The following SUGCT variants were observed in gnomAD, a reference collection of about 807,000 sequenced individuals.
SUGCT encodes succinyl-CoA:glutarate CoA-transferase.
In SUGCT, 41 loss-of-function variants were observed where a neutral mutation model predicts 55.0. The ratio of observed to expected loss-of-function variants is 0.74; its 90% CI spans 0.58 to 0.97. The LOEUF (loss-of-function observed/expected upper bound fraction) is 0.97, where lower values mean the gene tolerates loss of function less well. SUGCT is among the 50% of genes least tolerant of loss of function. SUGCT has a pLI of 0.00. For synonymous variants in SUGCT, 187 were observed against 200.4 expected (o/e 0.93, Z 0.56); for missense variants, 568 against 547.8 (o/e 1.04, Z -0.37).
intron 12 of SUGCT, among the ~76,000 whole-genome samples, chr7:40,625,451 G>C (rs993321594): frequency 6.6e-6 from 1 of 152,036 alleles, no homozygotes; most frequent in Non-Finnish European, 1.5e-5. Flanking sequence ...GCCTTACCAA[G>C]TTGGGCACCC....
At chr7:40,744,117 G>T (rs1284124404) in intron 12 of SUGCT, among the ~76,000 whole-genome samples, 1 of 150,830 alleles carries the variant, frequency 6.6e-6, no homozygotes, top group African/African-American at 2.4e-5. Flanking sequence ...TAGTAGACGC[G>T]GGGTTTCGCC....
chr7:40,737,012 T>C (rs538063188), intron 12 of SUGCT, among the ~76,000 whole-genome samples: 13 of 152,082 alleles, frequency 8.5e-5, no homozygotes, highest in Non-Finnish European at 1.0e-4. Context: ...ATTTCCAGAT[T>C]AAAAAAATAG....
In SUGCT at chr7:40,198,214, T is replaced by C. The variant is rs567927903; in HGVS notation, c.484+3154T>C. Among the ~76,000 whole-genome samples, 5 of 152,300 alleles carry C rather than the reference T, an allele frequency of 3.3e-5. No individual in the cohort carries two copies. The South Asian group carries it at 1.0e-3, about 32-fold the overall frequency. On this transcript the variant is annotated intron_variant, in intron 6 of 13. Transcript: ENST00000335693. Reference sequence around the variant, plus strand: ...ATCTATATACTCCGTTCTCCTTTATTTCCTGATAATGAAACAGATCCAGAC... The same window carrying C: ...ATCTATATACTCCGTTCTCCTTTATCTCCTGATAATGAAACAGATCCAGAC...
At chr7:40,745,252 T>G (rs1394045859) in intron 12 of SUGCT, among the ~76,000 whole-genome samples, 1 of 152,216 alleles carries the variant, frequency 6.6e-6, no homozygotes, top group Non-Finnish European at 1.5e-5. Flanking sequence ...CATTTGTATA[T>G]GTAATTTCAT....
intron 13 of SUGCT, among the ~76,000 whole-genome samples, chr7:40,761,045 GT>G (rs372803336): frequency 2.0e-5 from 3 of 152,186 alleles, no homozygotes; most frequent in African/African-American, 7.2e-5. Flanking sequence ...AATCACGCAT[GT>G]TTCTCTAAGA....
intron 9 of SUGCT, among the ~76,000 whole-genome samples, chr7:40,330,858 T>A (rs1489396132): frequency 6.6e-6 from 1 of 152,166 alleles, no homozygotes; most frequent in Non-Finnish European, 1.5e-5. Context: ...AGCTTTAGGG[T>A]CTTTTCTAAC....
chr7:40,817,707 G>A (rs140679881), intron 13 of SUGCT, among the ~76,000 whole-genome samples: 1 of 152,236 alleles, frequency 6.6e-6, no homozygotes, highest in East Asian at 1.9e-4. Flanking sequence ...TTCAGACAGA[G>A]TATATAGACT....
At chr7:40,435,110 T>C (rs149723550) in intron 9 of SUGCT, among the ~76,000 whole-genome samples, 24 of 152,280 alleles carry the variant, frequency 1.6e-4, no homozygotes, top group African/African-American at 5.8e-4. Flanking sequence ...ATTATCAGTG[T>C]ATATCCTATT....
intron 6 of SUGCT, among the ~76,000 whole-genome samples, chr7:40,227,043 CTTTTTTTTTTT>C (rs35073564): frequency 6.2e-5 from 6 of 96,226 alleles, no homozygotes; most frequent in African/African-American, 2.2e-4. Context: ...TTTAATAGAT[CTTTTTTTTTTT>C]TTTTTTTTTT....
chr7:40,852,892 C>T (rs1420058120), intron 13 of SUGCT, among the ~76,000 whole-genome samples: 1 of 151,664 alleles, frequency 6.6e-6, no homozygotes, highest in East Asian at 1.9e-4. Flanking sequence ...TGTTTGCCTC[C>T]CACATCAGAA....
chr7:40,841,162 T>G (rs1210093835), intron 13 of SUGCT, among the ~76,000 whole-genome samples: 2 of 152,080 alleles, frequency 1.3e-5, no homozygotes, highest in African/African-American at 4.8e-5. Flanking sequence ...TACTTATTTA[T>G]TTTTCCTAAT....
chr7:40,229,624 C>G (rs902053684), intron 6 of SUGCT, among the ~76,000 whole-genome samples: 11 of 151,660 alleles, frequency 7.3e-5, no homozygotes, highest in Non-Finnish European at 1.3e-4. Context: ...ACCATCCTGG[C>G]CAACATGGTG....
At chr7:40,555,609 G>C (rs976070187) in intron 12 of SUGCT, among the ~76,000 whole-genome samples, 3 of 152,000 alleles carry the variant, frequency 2.0e-5, no homozygotes, top group Non-Finnish European at 4.4e-5. Context: ...CACGTAGCCT[G>C]CTGGACCCCA....
chr7:40,194,613 G>T (rs539950308), intron 5 of SUGCT, among the ~76,000 whole-genome samples: 1 of 152,298 alleles, frequency 6.6e-6, no homozygotes, highest in East Asian at 1.9e-4. Context: ...CATTGATTTA[G>T]TGTACTTACA....
chr7:41,000,215 C>A, the SUGCT span, among the ~76,000 whole-genome samples: 1 of 152,140 alleles, frequency 6.6e-6, no homozygotes, highest in South Asian at 2.1e-4. Flanking sequence ...CATACACACA[C>A]ACGCATGGAC....
intron 13 of SUGCT, among the ~76,000 whole-genome samples, chr7:40,829,951 T>TC (rs2128776392): frequency 6.6e-6 from 1 of 152,226 alleles, no homozygotes; most frequent in East Asian, 1.9e-4. Context: ...AAACCATTTC[T>TC]CCCCCAGTAT....
chr7:40,900,184 G>A, the SUGCT span, among the ~76,000 whole-genome samples: 1 of 152,226 alleles, frequency 6.6e-6, no homozygotes, highest in Non-Finnish European at 1.5e-5. Flanking sequence ...GCTTCTCTGC[G>A]TATTTCAAAT....
intron 9 of SUGCT, among the ~76,000 whole-genome samples, chr7:40,348,685 A>G (rs1797457258): frequency 1.3e-5 from 2 of 152,112 alleles, no homozygotes; most frequent in Non-Finnish European, 2.9e-5. Flanking sequence ...TGCCTCATCA[A>G]TGTTATTTTT....
chr7:40,931,100 A>G, the SUGCT span, among the ~76,000 whole-genome samples: 1 of 152,302 alleles, frequency 6.6e-6, no homozygotes, highest in East Asian at 1.9e-4. Context: ...CATTCCATCC[A>G]TACCTACTTT....
Sources: allele counts gnomAD v4.1 joint callset (sites outside exome capture counted in the v4.1 genomes callset), GRCh38; gene constraint gnomAD v4.1.1; transcripts MANE v1.5; gene names NCBI Gene and HGNC (gene_info 2026-07-23, HGNC 2026-07-21).